ADRA1A: variants seen among roughly 807,000 people sequenced by gnomAD.
ADRA1A encodes the protein adrenoceptor alpha 1A, also known as alpha-1A adrenergic receptor.
A neutral mutation model predicts 29.6 loss-of-function variants in ADRA1A; 31 were observed. The observed-to-expected ratio is 1.05, with a 90% CI of 0.79 to 1.41. ADRA1A has a LOEUF of 1.41. ADRA1A is among the 40% of genes most tolerant of loss of function. ADRA1A has a pLI of 0.00. For missense variants in ADRA1A, 619 were observed against 601.1 expected (o/e 1.03, Z -0.31); for synonymous variants, 311 against 254.3 (o/e 1.22, Z -2.12).
chr8:26,863,146 T>A (rs1813608193), intron 2 of ADRA1A, among the ~76,000 whole-genome samples: 1 of 152,228 alleles, frequency 6.6e-6, no homozygotes. Flanking sequence ...GTTTTGTTTT[T>A]TAGAGTTGGT....
At position 26,775,216 on chromosome 8, in the gene ADRA1A, T is replaced by A. The variant is rs1239401998; in HGVS notation, c.884-4550A>T. Among the ~76,000 whole-genome samples, 1 of 152,242 alleles carries A rather than the reference T, an allele frequency of 6.6e-6. No individual in the cohort carries two copies. The highest frequency in any genetic ancestry group is 1.5e-5 in the Non-Finnish European group (1 of 68,046). On this transcript the variant is annotated intron_variant, in intron 2 of 2. Transcript: ENST00000380573. The surrounding 1 kb of genome is among the most constrained non-coding windows in gnomAD (Gnocchi z 4.1). Reference sequence around the variant, plus strand: ...CAGACGGATGGACTGACTGACTGAATGAATGAATGGCTGTGTCTCTGTGTT... The same window carrying A: ...CAGACGGATGGACTGACTGACTGAAAGAATGAATGGCTGTGTCTCTGTGTT...
chr8:26,771,109 G>A (rs763264112), intron 2 of ADRA1A, among the ~76,000 whole-genome samples: 1 of 152,174 alleles, frequency 6.6e-6, no homozygotes, highest in Non-Finnish European at 1.5e-5. Context: ...AACAGACACA[G>A]CCTCAGTGTT....
chr8:26,855,217 A>ATGTGTGTGTG lies in ADRA1A; in HGVS notation c.883+8860_883+8869dup, dbSNP rs56268237. Among the ~76,000 whole-genome samples, 510 of 133,306 alleles carry ATGTGTGTGTG rather than the reference A, an allele frequency of 3.8e-3. 3 individuals carry two copies. The highest frequency in any genetic ancestry group is 0.011 in the Middle Eastern group (3 of 268). The allele number at this position is 133,306 out of a possible 152,430, so 87.5% of individuals were successfully genotyped here. ...TTTAACTAAAAGTGTGTGTGCATGC[A>ATGTGTGTGTG]TGTGTGTGTGTGTGTGCATGTGAGT... On this transcript the variant is annotated intron_variant, in intron 2 of 2. Transcript: ENST00000380573.
At chr8:26,764,108 C>A (rs759907886), downstream of ADRA1A, among the ~76,000 whole-genome samples, 2 of 152,128 alleles carry the variant, frequency 1.3e-5, no homozygotes, top group Non-Finnish European at 2.9e-5. Flanking sequence ...GTTTTTCATG[C>A]CAAGTGCAGG....
At chr8:26,813,283 TC>T (rs1352093910) in intron 2 of ADRA1A, among the ~76,000 whole-genome samples, 11 of 152,308 alleles carry the variant, frequency 7.2e-5, no homozygotes, top group African/African-American at 2.6e-4. Context: ...AAAATCATTT[TC>T]AGTGACATCG....
intron 2 of ADRA1A, among the ~76,000 whole-genome samples, chr8:26,788,534 T>C (rs971609308): frequency 4.6e-5 from 7 of 152,208 alleles, no homozygotes; most frequent in African/African-American, 1.4e-4. Context: ...ATAATAGTAA[T>C]TATAACAGTA....
intron 2 of ADRA1A, among the ~76,000 whole-genome samples, chr8:26,783,052 A>C (rs139052214): frequency 3.3e-5 from 5 of 152,262 alleles, no homozygotes; most frequent in Admixed American, 2.0e-4. Context: ...ACCTCATATC[A>C]GTTTTCTAAC....
chr8:26,825,534 T>C lies in ADRA1A; in HGVS notation c.883+38553A>G, dbSNP rs922341983. On this transcript the variant is annotated intron_variant, in intron 2 of 2. Coordinates refer to ENST00000380573, the MANE Select transcript of ADRA1A (RefSeq NM_000680.4). This position sits in a 1 kb window ranked among gnomAD's most constrained non-coding sequence, Gnocchi z 5.7. ...AGGCCATATTACCCCAACTTCTAGT[T>C]GTCAGCTATCCTTGTCAAAATTTCC... 1.3e-5 allele frequency among the ~76,000 whole-genome samples: 2 copies of C among 152,204 alleles called. No homozygotes were observed. Among genetic ancestry groups the C allele is most frequent in the South Asian group, 4.1e-4 (2 of 4,824 alleles).
intron 2 of ADRA1A, among the ~76,000 whole-genome samples, chr8:26,852,808 G>A (rs779351053): frequency 1.3e-5 from 2 of 152,156 alleles, no homozygotes; most frequent in African/African-American, 2.4e-5. Context: ...GTCACAATTC[G>A]CTTTATGAAA....
intron 2 of ADRA1A, among the ~76,000 whole-genome samples, chr8:26,750,588 T>C (rs117208187): frequency 2.0e-5 from 3 of 152,192 alleles, no homozygotes; most frequent in African/African-American, 7.2e-5. Flanking sequence ...CACCTCCAAA[T>C]AGTTTTACAA....
chr8:26,826,403 C>G (rs1259153884), intron 2 of ADRA1A, among the ~76,000 whole-genome samples: 3 of 152,162 alleles, frequency 2.0e-5, no homozygotes, highest in Non-Finnish European at 4.4e-5. Context: ...TTTTATGGCT[C>G]CAGTGACTCT....
Position 26,831,679 on chromosome 8 carries a change from G to T in ADRA1A, c.883+32408C>A, listed in dbSNP as rs1314502287. ...TGGGTAGATCAGCCACATGCCAATTGTCTTCTTGTTTTCTTTCCAGGACAA... is the reference window on the plus strand; with the variant it reads ...TGGGTAGATCAGCCACATGCCAATTTTCTTCTTGTTTTCTTTCCAGGACAA... On this transcript the variant is annotated intron_variant, in intron 2 of 2. Transcript: ENST00000380573. This position sits in a 1 kb window ranked among gnomAD's most constrained non-coding sequence, Gnocchi z 5.2. 6.6e-6 allele frequency among the ~76,000 whole-genome samples: 1 copy of T among 152,202 alleles called. No individual in the cohort carries two copies. Among genetic ancestry groups the T allele is most frequent in the Non-Finnish European group, 1.5e-5 (1 of 68,032 alleles).
Position 26,862,549 on chromosome 8 carries a change from C to T in ADRA1A, c.883+1538G>A, listed in dbSNP as rs57192440. On this transcript the variant is annotated intron_variant, in intron 2 of 2. Coordinates refer to ENST00000380573, the MANE Select transcript of ADRA1A (RefSeq NM_000680.4). ...CATAAATACTTGTTGAGCGAGCACA[C>T]GCATGAATACGTGTGCAAAGGGGCT... Among the ~76,000 whole-genome samples the T allele has an allele frequency of 6.9e-3, 1,055 of 152,292 alleles. 14 individuals carry two copies. The highest frequency in any genetic ancestry group is 0.023 in the African/African-American group (950 of 41,564).
In ADRA1A at chr8:26,806,242, A is replaced by G. The variant is rs1259154475; in HGVS notation, c.884-35576T>C. Among the ~76,000 whole-genome samples, 1 of 151,654 alleles carries G rather than the reference A, an allele frequency of 6.6e-6. No homozygotes were observed. The highest frequency in any genetic ancestry group is 6.6e-5 in the Admixed American group (1 of 15,224). On this transcript the variant is annotated intron_variant, in intron 2 of 2. Transcript: ENST00000380573. This position sits in a 1 kb window ranked among gnomAD's most constrained non-coding sequence, Gnocchi z 4.6. ...CTCCTAACTGCAAAATCACTTCCCT[A>G]CAGCCTTCCTTCAGACAAGGTGGAA...
At position 26,769,925 on chromosome 8, in the gene ADRA1A, G is replaced by A. The variant is rs1402856761; in HGVS notation, c.*224C>T. ...TGACCAAGAAAGCATTAGCTGCAGGGAAATGCTGTTCCGTATCATTCTGAA... is the reference window on the plus strand; with the variant it reads ...TGACCAAGAAAGCATTAGCTGCAGGAAAATGCTGTTCCGTATCATTCTGAA... On this transcript the variant is annotated 3_prime_UTR_variant, in exon 3 of 3. Coordinates refer to ENST00000380573, the MANE Select transcript of ADRA1A (RefSeq NM_000680.4). The A allele has an allele frequency of 4.7e-6, 6 of 1,281,202 alleles. No homozygotes were observed. Among genetic ancestry groups the A allele is most frequent in the Non-Finnish European group, 5.9e-6 (6 of 1,016,698 alleles). 79.4% of individuals were successfully genotyped at this position (1,281,202 alleles called of 1,614,324 possible).
In ADRA1A at chr8:26,841,998, C is replaced by T. The variant is rs1247353217; in HGVS notation, c.883+22089G>A. Reference sequence around the variant, plus strand: ...TGCCAACATATTCTAACATTCAGCCCTCCTTAGGAGATGACCCATTCCCTT... The same window carrying T: ...TGCCAACATATTCTAACATTCAGCCTTCCTTAGGAGATGACCCATTCCCTT... On this transcript the variant is annotated intron_variant, in intron 2 of 2. Transcript: ENST00000380573. This position sits in a 1 kb window ranked among gnomAD's most constrained non-coding sequence, Gnocchi z 4.4. Among the ~76,000 whole-genome samples, 5 of 152,102 alleles carry T rather than the reference C, an allele frequency of 3.3e-5. No individual in the cohort carries two copies. The South Asian group carries it at 1.0e-3, about 32-fold the overall frequency.
chr8:26,829,908 A>G (rs1240862948), intron 2 of ADRA1A, among the ~76,000 whole-genome samples: 1 of 137,210 alleles, frequency 7.3e-6, no homozygotes, highest in African/African-American at 2.7e-5. Context: ...AGAGGTCAAC[A>G]CATTTGGGAA....
chr8:26,835,037 A>G (rs981595843), intron 2 of ADRA1A, among the ~76,000 whole-genome samples: 1 of 152,184 alleles, frequency 6.6e-6, no homozygotes, highest in Non-Finnish European at 1.5e-5. Flanking sequence ...AAGCAAATAC[A>G]AGCCCCTATT....
downstream of ADRA1A, among the ~76,000 whole-genome samples, chr8:26,763,056 G>A (rs1805592070): frequency 6.6e-6 from 1 of 152,094 alleles, no homozygotes; most frequent in South Asian, 2.1e-4. The surrounding 1 kb of genome is among the most constrained non-coding windows in gnomAD (Gnocchi z 4.5). Flanking sequence ...AGAAAAGAAG[G>A]AAGAAGTAGA....
Sources: allele counts gnomAD v4.1 joint callset (sites outside exome capture counted in the v4.1 genomes callset), GRCh38; gene constraint gnomAD v4.1.1; non-coding constraint Gnocchi (gnomAD v3.1); transcripts MANE v1.5; gene names NCBI Gene and HGNC (gene_info 2026-07-23, HGNC 2026-07-21).